Variants in GRM7 observed in about 807,000 individuals in gnomAD.
GRM7 encodes metabotropic glutamate receptor 7.
GRM7 carries 35 observed loss-of-function variants against 84.5 expected under a neutral mutation model. The ratio of observed to expected loss-of-function variants is 0.41; its 90% CI spans 0.32 to 0.55. The LOEUF (loss-of-function observed/expected upper bound fraction) is 0.55. Among genes scored for constraint, GRM7 ranks in the 20% least tolerant of loss-of-function variants. The pLI, the probability that GRM7 is intolerant of heterozygous loss-of-function variation, is 0.19. For synonymous variants in GRM7, 487 were observed against 455.1 expected, an observed-to-expected ratio of 1.07 and a Z score of -0.89; for missense variants, 1,003 against 1,194.6, an observed-to-expected ratio of 0.84 and a Z score of 2.36.
At chr3:7,435,303 A>G (rs957454281) in intron 5 of GRM7, among the ~76,000 whole-genome samples, 4 of 151,710 alleles carry the variant, frequency 2.6e-5, no homozygotes, top group African/African-American at 9.7e-5. Context: ...AGCTAGGACT[A>G]CAGGTGTGTG....
At chr3:7,548,249 A>G (rs1693268705) in intron 7 of GRM7, among the ~76,000 whole-genome samples, 1 of 152,156 alleles carries the variant, frequency 6.6e-6, no homozygotes, top group African/African-American at 2.4e-5. Flanking sequence ...GTCCCATGAG[A>G]GCTGGTTGTT....
chr3:6,963,860 C>T (rs1465096664), intron 1 of GRM7, among the ~76,000 whole-genome samples: 1 of 152,110 alleles, frequency 6.6e-6, no homozygotes, highest in Non-Finnish European at 1.5e-5. Flanking sequence ...TTTTTTTCGT[C>T]TCCACTCTGC....
chr3:7,145,617 G>C (rs1482648467), intron 1 of GRM7, among the ~76,000 whole-genome samples: 1 of 152,132 alleles, frequency 6.6e-6, no homozygotes, highest in African/African-American at 2.4e-5. Flanking sequence ...GGGAGATAAT[G>C]TGATTTTTTT....
intron 8 of GRM7, among the ~76,000 whole-genome samples, chr3:7,614,953 T>A (rs1329795757): frequency 6.6e-6 from 1 of 152,216 alleles, no homozygotes. Flanking sequence ...AACTGTGATC[T>A]GACTTCAGTT....
intron 7 of GRM7, among the ~76,000 whole-genome samples, chr3:7,525,521 G>T (rs1700759887): frequency 6.6e-6 from 1 of 151,960 alleles, no homozygotes; most frequent in African/African-American, 2.4e-5. Context: ...GCCTGGCTGG[G>T]AACAGAGTTT....
intron 2 of GRM7, among the ~76,000 whole-genome samples, chr3:7,197,373 C>A (rs1418903338): frequency 6.6e-6 from 1 of 152,164 alleles, no homozygotes. Context: ...CCTCACTATT[C>A]TTTCATGTTC....
intron 7 of GRM7, among the ~76,000 whole-genome samples, chr3:7,502,659 A>G (rs1313178101): frequency 6.6e-6 from 1 of 152,164 alleles, no homozygotes; most frequent in Non-Finnish European, 1.5e-5. Flanking sequence ...TCTGTCCCAC[A>G]GAATGTTCTG....
At chr3:7,344,359 C>T (rs1398243669) in intron 4 of GRM7, among the ~76,000 whole-genome samples, 1 of 152,048 alleles carries the variant, frequency 6.6e-6, no homozygotes, top group Non-Finnish European at 1.5e-5. Context: ...GTTTTCTATT[C>T]TTGTGTTAGT....
chr3:7,371,109 A>G (rs1694112174), intron 4 of GRM7, among the ~76,000 whole-genome samples: 1 of 152,212 alleles, frequency 6.6e-6, no homozygotes, highest in South Asian at 2.1e-4. Flanking sequence ...GTCACTGCCC[A>G]GGCTATATAT....
chr3:7,650,215 A>G (rs139111234), intron 8 of GRM7, among the ~76,000 whole-genome samples: 6 of 152,344 alleles, frequency 3.9e-5, no homozygotes, highest in African/African-American at 7.2e-5. Flanking sequence ...CTATAAGCCC[A>G]TGAGCTACAG....
chr3:7,708,156 A>T, intron 9 of GRM7, among the ~76,000 whole-genome samples: 1 of 151,018 alleles, frequency 6.6e-6, no homozygotes. Context: ...TTACTTTCAA[A>T]CCTTCAGTCC....
intron 1 of GRM7, among the ~76,000 whole-genome samples, chr3:7,064,094 G>A (rs73808628): frequency 0.013 from 1,989 of 151,116 alleles, 39 homozygotes; most frequent in African/African-American, 0.046. Flanking sequence ...TTTATTTTAT[G>A]TATTCTTTTC....
intron 1 of GRM7, among the ~76,000 whole-genome samples, chr3:7,125,001 C>T (rs568914085): frequency 4.7e-4 from 71 of 152,146 alleles, no homozygotes; most frequent in African/African-American, 1.6e-3. Flanking sequence ...TGCAGTGGCG[C>T]GGGTCTCAGC....
chr3:7,093,603 G>A (rs1186548415), intron 1 of GRM7, among the ~76,000 whole-genome samples: 1 of 140,786 alleles, frequency 7.1e-6, no homozygotes, highest in Non-Finnish European at 1.5e-5. Context: ...CTTGAACCCA[G>A]GAGGCAGAGG....
rs1156448200 is a variant in GRM7 at position 6,888,654 on chromosome 3, G to C, written c.519+26747G>C. ...CTGTAGCCTTGTAGTATAGTTTGAAGTCAGGTAGCATGATGCCTCCAGCTT... is the reference window on the plus strand; with the variant it reads ...CTGTAGCCTTGTAGTATAGTTTGAACTCAGGTAGCATGATGCCTCCAGCTT... On this transcript the variant is annotated intron_variant, in intron 1 of 9. Transcript: ENST00000357716. Among the ~76,000 whole-genome samples, 3 of 152,258 alleles carry C rather than the reference G, an allele frequency of 2.0e-5. No homozygotes were observed. In the East Asian group the frequency reaches 5.8e-4, roughly 29 times the overall value.
At chr3:7,061,022 T>G (rs988347154) in intron 1 of GRM7, among the ~76,000 whole-genome samples, 1 of 151,804 alleles carries the variant, frequency 6.6e-6, no homozygotes, top group Non-Finnish European at 1.5e-5. Flanking sequence ...TAATGCCCTT[T>G]TAGGTTTATT....
At chr3:7,368,912 A>T (rs1397035095) in intron 4 of GRM7, among the ~76,000 whole-genome samples, 2 of 151,942 alleles carry the variant, frequency 1.3e-5, no homozygotes, top group African/African-American at 4.8e-5. Context: ...GGTTAAAATC[A>T]GTGTTTTTCA....
intron 8 of GRM7, among the ~76,000 whole-genome samples, chr3:7,641,174 C>T (rs1416382991): frequency 6.6e-6 from 1 of 152,048 alleles, no homozygotes; most frequent in African/African-American, 2.4e-5. Context: ...CTTCCAAAAA[C>T]TCTGACTCCA....
chr3:7,179,532 C>A (rs1304183835), intron 2 of GRM7, among the ~76,000 whole-genome samples: 1 of 152,178 alleles, frequency 6.6e-6, no homozygotes, highest in Non-Finnish European at 1.5e-5. Context: ...ATAGTCACTG[C>A]AGCAGAAGGA....
Sources: allele counts gnomAD v4.1 joint callset (sites outside exome capture counted in the v4.1 genomes callset), GRCh38; gene constraint gnomAD v4.1.1; transcripts MANE v1.5; gene names NCBI Gene and HGNC (gene_info 2026-07-23, HGNC 2026-07-21).